ANKIB1: variants seen among roughly 807,000 people sequenced by gnomAD.
ANKIB1 encodes the protein ankyrin repeat and IBR domain containing 1.
In ANKIB1, 43 loss-of-function variants were observed where a neutral mutation model predicts 122.1. The observed-to-expected ratio is 0.35, with a 90% confidence interval of 0.28 to 0.45. The LOEUF is 0.45. Ranked by LOEUF, ANKIB1 falls within the 20% of genes least tolerant of loss-of-function variation. ANKIB1 has a pLI of 1.00. For missense variants in ANKIB1, 992 were observed against 1,329.5 expected (o/e 0.75, Z 3.95); for synonymous variants, 390 against 442.0 (o/e 0.88, Z 1.48).
At chr7:92,291,637 C>T (rs1229564972) in intron 1 of ANKIB1, among the ~76,000 whole-genome samples, 2 of 140,888 alleles carry the variant, frequency 1.4e-5, no homozygotes, top group East Asian at 2.2e-4. Context: ...AGCGCAGTGG[C>T]GTGATCTCAG....
At chr7:92,270,898 T>C (rs940045474) in intron 1 of ANKIB1, among the ~76,000 whole-genome samples, 1 of 151,996 alleles carries the variant, frequency 6.6e-6, no homozygotes, top group Non-Finnish European at 1.5e-5. Context: ...TCCCAGTCTG[T>C]AGTTTTTCTT....
chr7:92,302,825 A>AC (rs1374781311), intron 2 of ANKIB1, among the ~76,000 whole-genome samples: 2 of 151,478 alleles, frequency 1.3e-5, no homozygotes, highest in East Asian at 1.9e-4. Flanking sequence ...TCCTCTCCCA[A>AC]CCCCCCTTAT....
intron 1 of ANKIB1, among the ~76,000 whole-genome samples, chr7:92,267,691 G>A (rs1384625955): frequency 6.6e-6 from 1 of 152,136 alleles, no homozygotes; most frequent in Non-Finnish European, 1.5e-5. Context: ...GTGGGGTTTT[G>A]GGTAGAGTTC....
intron 1 of ANKIB1, among the ~76,000 whole-genome samples, chr7:92,284,318 A>G (rs1162101214): frequency 1.3e-5 from 2 of 152,198 alleles, no homozygotes; most frequent in Non-Finnish European, 1.5e-5. Context: ...CCTATGGGGA[A>G]TGTAAAATTT....
At chr7:92,328,380 T>A (rs980798302) in intron 5 of ANKIB1, among the ~76,000 whole-genome samples, 7 of 152,160 alleles carry the variant, frequency 4.6e-5, no homozygotes, top group Non-Finnish European at 7.3e-5. Flanking sequence ...AGTTAAAGGG[T>A]CACCTTGGAA....
At chr7:92,247,294 T>C (rs1801146965) in intron 1 of ANKIB1, among the ~76,000 whole-genome samples, 1 of 152,250 alleles carries the variant, frequency 6.6e-6, no homozygotes, top group South Asian at 2.1e-4. Context: ...TTTAGTGTTC[T>C]AATTTTCATC....
intron 2 of ANKIB1, among the ~76,000 whole-genome samples, chr7:92,299,868 A>G (rs1255669833): frequency 6.6e-6 from 1 of 152,096 alleles, no homozygotes; most frequent in Non-Finnish European, 1.5e-5. Context: ...GTGCAGTGGC[A>G]CAATCACAGC....
chr7:92,336,057 G>A (rs1803280953), intron 5 of ANKIB1, among the ~76,000 whole-genome samples: 1 of 152,104 alleles, frequency 6.6e-6, no homozygotes, highest in South Asian at 2.1e-4. Context: ...AACTATGTAT[G>A]TACATTGCCC....
intron 1 of ANKIB1, among the ~76,000 whole-genome samples, chr7:92,249,036 C>T (rs181647554): frequency 1.3e-5 from 2 of 151,758 alleles, no homozygotes; most frequent in African/African-American, 4.8e-5. Flanking sequence ...TACAGGTGCC[C>T]GCCACCACAC....
chr7:92,249,628 G>A lies in ANKIB1; in HGVS notation c.-91+3109G>A, dbSNP rs1368235588. Among the ~76,000 whole-genome samples the A allele has an allele frequency of 5.9e-5, 9 of 152,136 alleles. No individual in the cohort carries two copies. The South Asian group carries it at 1.2e-3, about 21-fold the overall frequency. Reference sequence around the variant, plus strand: ...CCAGCTACTTGGGAGGTGGAGGCAGGAGAATCACTTTAACCTGGGAGGTGG... The same window carrying A: ...CCAGCTACTTGGGAGGTGGAGGCAGAAGAATCACTTTAACCTGGGAGGTGG... On this transcript the variant is annotated intron_variant, in intron 1 of 19. Transcript: ENST00000265742.
At chr7:92,354,463 T>A (rs1803742971) in intron 9 of ANKIB1, among the ~76,000 whole-genome samples, 1 of 152,160 alleles carries the variant, frequency 6.6e-6, no homozygotes, top group Non-Finnish European at 1.5e-5. Context: ...CTCCTATTCA[T>A]TAGGGTAGTA....
intron 1 of ANKIB1, among the ~76,000 whole-genome samples, chr7:92,292,685 A>G (rs1316676107): frequency 1.3e-5 from 2 of 152,222 alleles, no homozygotes; most frequent in Non-Finnish European, 2.9e-5. Context: ...TAAAAGTATA[A>G]TATTTTAGGC....
chr7:92,396,720 A>T (rs1804902797), intron 18 of ANKIB1, among the ~76,000 whole-genome samples: 1 of 152,238 alleles, frequency 6.6e-6, no homozygotes, highest in Non-Finnish European at 1.5e-5. Context: ...GTCAGGTCAC[A>T]ACCTCTCTAA....
chr7:92,262,645 A>G (rs1801589449), intron 1 of ANKIB1, among the ~76,000 whole-genome samples: 1 of 152,142 alleles, frequency 6.6e-6, no homozygotes, highest in Non-Finnish European at 1.5e-5. Flanking sequence ...AAGAAAATAT[A>G]CCAGTATGTT....
chr7:92,355,064 T>C (rs1030209657), intron 9 of ANKIB1, among the ~76,000 whole-genome samples: 1 of 152,230 alleles, frequency 6.6e-6, no homozygotes, highest in Non-Finnish European at 1.5e-5. Context: ...GTAGTATTAA[T>C]AGGCATTCCC....
chr7:92,380,642 T>TC (rs1048343350), intron 11 of ANKIB1, among the ~76,000 whole-genome samples: 1 of 151,958 alleles, frequency 6.6e-6, no homozygotes, highest in Non-Finnish European at 1.5e-5. Flanking sequence ...TCAAGCAAAC[T>TC]CCAACAGACC....
At chr7:92,286,075 G>T (rs922725569) in intron 1 of ANKIB1, among the ~76,000 whole-genome samples, 4 of 152,080 alleles carry the variant, frequency 2.6e-5, no homozygotes, top group Non-Finnish European at 5.9e-5. Flanking sequence ...TTGAACCCTG[G>T]TATCCCTGAA....
chr7:92,351,769 G>A (rs1324320625), intron 8 of ANKIB1, among the ~76,000 whole-genome samples: 1 of 138,250 alleles, frequency 7.2e-6, no homozygotes, highest in Non-Finnish European at 1.5e-5. Context: ...CTCCCAGGCT[G>A]GAGTGCAGTG....
chr7:92,280,391 A>T (rs1801990543), intron 1 of ANKIB1, among the ~76,000 whole-genome samples: 1 of 93,624 alleles, frequency 1.1e-5, no homozygotes, highest in Non-Finnish European at 2.4e-5. Context: ...CTTGGATGGA[A>T]ACGCAAGGGT....
Sources: allele counts gnomAD v4.1 joint callset (sites outside exome capture counted in the v4.1 genomes callset), GRCh38; gene constraint gnomAD v4.1.1; transcripts MANE v1.5; gene names NCBI Gene and HGNC (gene_info 2026-07-23, HGNC 2026-07-21).